Variants in GABRB3 observed in about 807,000 individuals in gnomAD.
GABRB3 encodes gamma-aminobutyric acid receptor subunit beta-3.
GABRB3 carries 14 observed loss-of-function variants against 52.1 expected under a neutral mutation model. That is an observed-to-expected ratio of 0.27 (90% CI 0.18 to 0.42). The LOEUF is 0.42. Among genes scored for constraint, GABRB3 ranks in the 10% least tolerant of loss-of-function variants. The probability of loss-of-function intolerance (pLI) is 1.00; values close to 1 mark genes in which losing one functional copy is unlikely to be tolerated. For missense variants in GABRB3, 307 were observed against 609.1 expected (o/e 0.50, Z 5.22); for synonymous variants, 260 against 232.3 (o/e 1.12, Z -1.08).
At chr15:26,589,065 T>A (rs191833170) in intron 4 of GABRB3, among the ~76,000 whole-genome samples, 90 of 152,340 alleles carry the variant, frequency 5.9e-4, no homozygotes, top group African/African-American at 2.1e-3. Flanking sequence ...CACGCCTGAG[T>A]CAAGGATGTC....
At chr15:26,691,284 T>C (rs1157972337) in intron 3 of GABRB3, among the ~76,000 whole-genome samples, 1 of 152,148 alleles carries the variant, frequency 6.6e-6, no homozygotes, top group African/African-American at 2.4e-5. Flanking sequence ...AGCAAAGAAA[T>C]GATTTCTTTA....
At chr15:26,743,545 A>AT (rs1466192131) in intron 3 of GABRB3, among the ~76,000 whole-genome samples, 1 of 152,222 alleles carries the variant, frequency 6.6e-6, no homozygotes, top group African/African-American at 2.4e-5. Flanking sequence ...ATGCCAGAGT[A>AT]TAGCTAAGTG....
chr15:26,757,766 T>C (rs963209989), intron 3 of GABRB3, among the ~76,000 whole-genome samples: 1 of 152,232 alleles, frequency 6.6e-6, no homozygotes, highest in African/African-American at 2.4e-5. Flanking sequence ...TCCTTCCAGT[T>C]AGCTCCCACT....
chr15:26,603,483 A>C (rs1594544), intron 4 of GABRB3, among the ~76,000 whole-genome samples: 150,883 of 152,188 alleles, frequency 0.99, 74,799 homozygotes, highest in East Asian at 1. Flanking sequence ...AAAATAACTA[A>C]AGGCCAATAT....
chr15:26,764,213 T>C lies in GABRB3; in HGVS notation c.240+8189A>G, dbSNP rs368591744. Among the ~76,000 whole-genome samples the C allele has an allele frequency of 3.7e-5, 2 of 53,436 alleles. 1 individual carries two copies. The highest frequency in any genetic ancestry group is 7.7e-5 in the Non-Finnish European group (2 of 26,134). 35.1% of individuals were successfully genotyped at this position (53,436 alleles called of 152,430 possible). A position where few individuals can be genotyped will look rare whatever the true frequency, so the allele number is the denominator to read the frequency against. On this transcript the variant is annotated intron_variant, in intron 3 of 8. Coordinates refer to ENST00000311550, the MANE Select transcript of GABRB3 (RefSeq NM_000814.6). ...ATATATATATATATATATATATATA[T>C]ATATATATATATATATATATATAGT...
intron 4 of GABRB3, among the ~76,000 whole-genome samples, chr15:26,602,658 T>C (rs1247939534): frequency 1.3e-5 from 2 of 152,100 alleles, no homozygotes; most frequent in African/African-American, 2.4e-5. Flanking sequence ...GGTTCCTGAA[T>C]GACCAGTGGG....
intron 3 of GABRB3, among the ~76,000 whole-genome samples, chr15:26,663,170 G>A (rs2140615529): frequency 6.6e-6 from 1 of 152,222 alleles, no homozygotes; most frequent in East Asian, 1.9e-4. Context: ...ATTGTGACAG[G>A]CCTGCCTCGT....
upstream of GABRB3, chr15:26,773,643 A>C: frequency 6.4e-7 from 1 of 1,560,098 alleles, no homozygotes. Context: ...CCCCCGCCTC[A>C]CCTGCGGGGC....
chr15:26,578,023 C>G (rs1890654459), intron 6 of GABRB3, among the ~76,000 whole-genome samples: 1 of 152,302 alleles, frequency 6.6e-6, no homozygotes, highest in East Asian at 1.9e-4. Context: ...CTGGCCTCAA[C>G]TGACCCTCTT....
chr15:26,675,726 T>C (rs188059237), intron 3 of GABRB3, among the ~76,000 whole-genome samples: 31 of 152,118 alleles, frequency 2.0e-4, no homozygotes, highest in Admixed American at 3.9e-4. Context: ...ATAGCAAAAT[T>C]ACTAGGAGGT....
intron 3 of GABRB3, among the ~76,000 whole-genome samples, chr15:26,690,048 A>C (rs1888536221): frequency 6.6e-6 from 1 of 151,734 alleles, no homozygotes; most frequent in Admixed American, 6.6e-5. Flanking sequence ...GGTATTGGCC[A>C]TACCCCACTA....
intron 3 of GABRB3, chr15:26,625,425 T>C (rs902949438): frequency 4.1e-6 from 4 of 970,586 alleles, no homozygotes; most frequent in Non-Finnish European, 4.9e-6. Context: ...AAGTCACCAA[T>C]TTTTACCTTT....
intron 3 of GABRB3, among the ~76,000 whole-genome samples, chr15:26,708,495 T>G (rs1254529660): frequency 6.6e-6 from 1 of 152,212 alleles, no homozygotes; most frequent in Non-Finnish European, 1.5e-5. Context: ...CAAAAGTGAC[T>G]GCTGCTTCCA....
At chr15:26,692,485 C>G (rs1335316225) in intron 3 of GABRB3, among the ~76,000 whole-genome samples, 1 of 151,806 alleles carries the variant, frequency 6.6e-6, no homozygotes, top group African/African-American at 2.4e-5. Flanking sequence ...AGTTATAGTC[C>G]AAAAGTAATT....
chr15:26,587,172 T>C (rs1891023679), intron 4 of GABRB3, among the ~76,000 whole-genome samples: 1 of 152,146 alleles, frequency 6.6e-6, no homozygotes, highest in Non-Finnish European at 1.5e-5. Context: ...GCCACGCAAC[T>C]CCCTCTTCAC....
At chr15:26,712,216 G>A (rs1046115956) in intron 3 of GABRB3, among the ~76,000 whole-genome samples, 1 of 150,302 alleles carries the variant, frequency 6.7e-6, no homozygotes, top group African/African-American at 2.4e-5. Context: ...ATCTCATTAT[G>A]TTGCCCAGGC....
chr15:26,569,502 C>T (rs1025312105), intron 6 of GABRB3, among the ~76,000 whole-genome samples: 4 of 152,144 alleles, frequency 2.6e-5, no homozygotes, highest in Admixed American at 1.3e-4. Flanking sequence ...CAAATATCAC[C>T]ACAAGGACTC....
rs1232459969 is a variant in GABRB3 at position 26,772,426 on chromosome 15, G to A, written c.216C>T (p.Ile72=). The A allele has an allele frequency of 1.9e-6, 3 of 1,610,430 alleles. No homozygotes were observed. The highest frequency in any genetic ancestry group is 1.3e-5 in the African/African-American group (1 of 74,830). ...CCATGTTGACTTCGGAAACCATGTCGATGCTGGCGATGTCGATGTTCATCC... is the reference window on the plus strand; with the variant it reads ...CCATGTTGACTTCGGAAACCATGTCAATGCTGGCGATGTCGATGTTCATCC... ...CVGMNIDIAS[I]DMVSEVNMDY... The change falls in exon 3 of 9, where the codon ATC becomes ATT. Residue 72 remains isoleucine (I), a synonymous_variant. Transcript: ENST00000311550.
intron 3 of GABRB3, among the ~76,000 whole-genome samples, chr15:26,652,801 C>T (rs1887237803): frequency 6.6e-6 from 1 of 152,092 alleles, no homozygotes; most frequent in African/African-American, 2.4e-5. Context: ...AATGTTTATT[C>T]ACGCTGATTT....
Sources: allele counts gnomAD v4.1 joint callset (sites outside exome capture counted in the v4.1 genomes callset), GRCh38; gene constraint gnomAD v4.1.1; transcripts MANE v1.5; gene names NCBI Gene and HGNC (gene_info 2026-07-23, HGNC 2026-07-21).